Variants in NWD1 observed in about 807,000 individuals in gnomAD.
NWD1 encodes NACHT and WD repeat domain containing 1.
Under a neutral mutation model 135.1 loss-of-function variants are expected in NWD1, and 129 were observed. The observed-to-expected ratio is 0.96, with a 90% CI of 0.83 to 1.11. The LOEUF is 1.11. Ranked by LOEUF, NWD1 falls within the 50% of genes least tolerant of loss-of-function variation. The probability of loss-of-function intolerance (pLI) is 0.00; values close to 1 mark genes in which losing one functional copy is unlikely to be tolerated. For missense variants in NWD1, 1,740 were observed against 1,851.3 expected, an observed-to-expected ratio of 0.94 and a Z score of 1.10; for synonymous variants, 773 against 786.0, an observed-to-expected ratio of 0.98 and a Z score of 0.28.
chr19:16,759,003 C>CAAAAAAA (rs58283462), intron 6 of NWD1, among the ~76,000 whole-genome samples: 1 of 74,928 alleles, frequency 1.3e-5, no homozygotes. Flanking sequence ...AACTCTGTCT[C>CAAAAAAA]AAAAAAAAAA....
At chr19:16,739,542 C>A (rs1967996177) in intron 4 of NWD1, among the ~76,000 whole-genome samples, 1 of 151,978 alleles carries the variant, frequency 6.6e-6, no homozygotes, top group African/African-American at 2.4e-5. Flanking sequence ...CCAGAAAGGC[C>A]CTATGGCCAG....
chr19:16,723,183 A>G (rs928832735), intron 1 of NWD1, among the ~76,000 whole-genome samples: 3 of 151,962 alleles, frequency 2.0e-5, no homozygotes, highest in African/African-American at 7.2e-5. Context: ...GCAGACACGA[A>G]TCACCATGTC....
chr19:16,751,404 G>C (rs2122820079), intron 6 of NWD1, among the ~76,000 whole-genome samples: 1 of 150,500 alleles, frequency 6.6e-6, no homozygotes, highest in Admixed American at 6.7e-5. Context: ...CAGGAAGGAA[G>C]GAGACAGAAA....
intron 4 of NWD1, among the ~76,000 whole-genome samples, chr19:16,739,776 G>A (rs1676025693): frequency 1.3e-5 from 2 of 152,160 alleles, no homozygotes; most frequent in African/African-American, 4.8e-5. Flanking sequence ...TTTTAGAGAG[G>A]CTCCTGTCTC....
At chr19:16,793,095 C>T (rs950401623) in intron 14 of NWD1, among the ~76,000 whole-genome samples, 1 of 151,604 alleles carries the variant, frequency 6.6e-6, no homozygotes, top group Non-Finnish European at 1.5e-5. Flanking sequence ...GAAGAAGAAT[C>T]ATCCCAAATC....
At position 16,734,182 on chromosome 19, in the gene NWD1, G is replaced by A. The variant is rs1488976024; in HGVS notation, c.82-2452G>A. On this transcript the variant is annotated intron_variant, in intron 3 of 18. Transcript: ENST00000524140. Reference sequence around the variant, plus strand: ...CTAAACACCCTCCTTTGCAAGGAAAGCTTTGTGAACAAGTGTGGACACGTC... The same window carrying A: ...CTAAACACCCTCCTTTGCAAGGAAAACTTTGTGAACAAGTGTGGACACGTC... Among the ~76,000 whole-genome samples, 3 of 152,252 alleles carry A rather than the reference G, an allele frequency of 2.0e-5. No homozygotes were observed. The South Asian group carries it at 6.2e-4, about 32-fold the overall frequency.
In NWD1 at chr19:16,773,121, T is replaced by C. The variant is rs770389070; in HGVS notation, c.2411-5T>C. 1.2e-6 allele frequency: 2 copies of C among 1,613,716 alleles called. No homozygotes were observed. Among genetic ancestry groups the C allele is most frequent in the African/African-American group, 2.7e-5 (2 of 75,036 alleles). Reference sequence around the variant, plus strand: ...GGCAACTTAGTCTACATCCCTTTGTTGCAGAGAGGAGCCTCCTGTACACAG... The same window carrying C: ...GGCAACTTAGTCTACATCCCTTTGTCGCAGAGAGGAGCCTCCTGTACACAG... On this transcript the variant is annotated splice_region_variant and splice_polypyrimidine_tract_variant and intron_variant, in intron 10 of 18. Coordinates refer to ENST00000524140, the MANE Select transcript of NWD1 (RefSeq NM_001007525.5).
chr19:16,812,666 T>C (rs1599570914), intron 18 of NWD1: 2 of 769,068 alleles, frequency 2.6e-6, no homozygotes, highest in East Asian at 4.9e-5. Context: ...TGAAACTCCA[T>C]CTCAAAAACA....
chr19:16,760,537 G>A (rs763610092), intron 7 of NWD1, among the ~76,000 whole-genome samples: 1 of 151,714 alleles, frequency 6.6e-6, no homozygotes, highest in South Asian at 2.1e-4. Flanking sequence ...TGGGATTACA[G>A]GTGTGAGCTA....
At position 16,735,520 on chromosome 19, in the gene NWD1, A is replaced by G. The variant is rs539498805; in HGVS notation, c.82-1114A>G. The stretch of plus-strand genomic sequence containing the variant: ...GACTCTGTCCCCCTGACCAAAAAAA[A>G]AAAGAAAGAAAGAAAGAAAGAAATC... On this transcript the variant is annotated intron_variant, in intron 3 of 18. Transcript: ENST00000524140. Among the ~76,000 whole-genome samples the G allele has an allele frequency of 2.4e-3, 367 of 151,446 alleles. 1 individual carries two copies. Among genetic ancestry groups the G allele is most frequent in the African/African-American group, 6.5e-3 (269 of 41,300 alleles).
intron 12 of NWD1, among the ~76,000 whole-genome samples, chr19:16,786,095 C>T (rs564366535): frequency 6.1e-4 from 93 of 152,228 alleles, no homozygotes; most frequent in African/African-American, 2.1e-3. Context: ...GAACCCCTGA[C>T]CTCAACTGAT....
At position 16,762,139 on chromosome 19, in the gene NWD1, G is replaced by A; in HGVS notation, c.2133+1G>A. ...GAAACCACTGAACTTGGACCGAAAGGTGAGGTACCTGGGACCCCCATTCCC... is the reference window on the plus strand; with the variant it reads ...GAAACCACTGAACTTGGACCGAAAGATGAGGTACCTGGGACCCCCATTCCC... On this transcript the variant is annotated splice_donor_variant, in intron 8 of 18. Coordinates refer to ENST00000524140, the MANE Select transcript of NWD1 (RefSeq NM_001007525.5). LOFTEE classifies it high-confidence loss of function. 2.5e-6 allele frequency: 4 copies of A among 1,611,196 alleles called. No individual in the cohort carries two copies.
intron 14 of NWD1, among the ~76,000 whole-genome samples, chr19:16,793,318 C>G (rs1026091246): frequency 1.3e-5 from 2 of 152,060 alleles, no homozygotes; most frequent in Non-Finnish European, 2.9e-5. Flanking sequence ...CCTGCAGCCT[C>G]GACCTCCCGG....
chr19:16,740,245 A>G (rs1427986355), intron 4 of NWD1, among the ~76,000 whole-genome samples: 2 of 152,074 alleles, frequency 1.3e-5, no homozygotes, highest in African/African-American at 2.4e-5. Context: ...GTGGCAGTGA[A>G]CTATGATTGT....
At chr19:16,747,910 A>G (rs117608902) in intron 5 of NWD1, among the ~76,000 whole-genome samples, 384 of 152,236 alleles carry the variant, frequency 2.5e-3, no homozygotes, top group Non-Finnish European at 4.5e-3. Flanking sequence ...ATCCATTTCA[A>G]TGGCCGAATA....
intron 3 of NWD1, among the ~76,000 whole-genome samples, chr19:16,734,767 G>T (rs1967725870): frequency 8.9e-6 from 1 of 112,246 alleles, no homozygotes; most frequent in Non-Finnish European, 1.9e-5. Context: ...TTTATTTATT[G>T]TAGACACAAT....
intron 3 of NWD1, among the ~76,000 whole-genome samples, chr19:16,735,883 A>AGGAG (rs1967789643): frequency 7.2e-6 from 1 of 139,018 alleles, no homozygotes; most frequent in African/African-American, 2.7e-5. Context: ...GAAGGAAGGA[A>AGGAG]GGAAGGAAGG....
At chr19:16,779,019 C>T (rs1329259480) in intron 11 of NWD1, among the ~76,000 whole-genome samples, 2 of 152,118 alleles carry the variant, frequency 1.3e-5, no homozygotes, top group African/African-American at 4.8e-5. Flanking sequence ...ATCCTTGTCC[C>T]CATTGTGGCA....
chr19:16,731,301 T>C, intron 3 of NWD1, 23 bp downstream of exon 3: 1 of 1,419,836 alleles, frequency 7.0e-7, no homozygotes, highest in African/African-American at 1.4e-5. Context: ...CACTCCGGGC[T>C]CCATGCTTTT....
Sources: allele counts gnomAD v4.1 joint callset (sites outside exome capture counted in the v4.1 genomes callset), GRCh38; gene constraint gnomAD v4.1.1; transcripts MANE v1.5; gene names NCBI Gene and HGNC (gene_info 2026-07-23, HGNC 2026-07-21).